The following DLGAP1 variants were observed in gnomAD, a reference collection of about 807,000 sequenced individuals.
DLGAP1 encodes DLG associated protein 1.
In DLGAP1, 11 loss-of-function variants were observed where a neutral mutation model predicts 90.8. The observed-to-expected ratio is 0.12, with a 90% confidence interval of 0.08 to 0.20. The LOEUF is 0.20. Ranked by LOEUF, DLGAP1 falls within the 10% of genes least tolerant of loss-of-function variation. DLGAP1 has a pLI of 1.00. For synonymous variants in DLGAP1, 558 were observed against 540.7 expected (o/e 1.03, Z -0.44); for missense variants, 1,050 against 1,333.8 (o/e 0.79, Z 3.31).
chr18:3,931,948 C>T (rs938139388), intron 3 of DLGAP1, among the ~76,000 whole-genome samples: 1 of 152,090 alleles, frequency 6.6e-6, no homozygotes, highest in Admixed American at 6.5e-5. Context: ...TACAGTGCTC[C>T]AGCTTTCACA....
intron 3 of DLGAP1, among the ~76,000 whole-genome samples, chr18:3,886,558 C>T (rs1309159490): frequency 6.6e-6 from 1 of 151,798 alleles, no homozygotes; most frequent in Admixed American, 6.6e-5. Flanking sequence ...ACCCATTAAT[C>T]ATCCTCACTC....
At chr18:4,299,338 A>C (rs568184435) in intron 1 of DLGAP1, among the ~76,000 whole-genome samples, 1 of 152,222 alleles carries the variant, frequency 6.6e-6, no homozygotes, top group Non-Finnish European at 1.5e-5. Flanking sequence ...ATCTATCTCT[A>C]AAAGAATTAA....
intron 1 of DLGAP1, among the ~76,000 whole-genome samples, chr18:4,309,796 T>G (rs1375499964): frequency 6.6e-6 from 1 of 152,192 alleles, no homozygotes; most frequent in Non-Finnish European, 1.5e-5. Flanking sequence ...AGTTTTCTTA[T>G]GTATCAAATG....
intron 5 of DLGAP1, among the ~76,000 whole-genome samples, chr18:3,776,869 C>T (rs936073549): frequency 1.3e-5 from 2 of 152,230 alleles, no homozygotes; most frequent in African/African-American, 4.8e-5. Context: ...TGGCTCACTG[C>T]AGCCTCAACC....
At chr18:4,248,750 G>C (rs951269303) in intron 1 of DLGAP1, 1 of 152,358 alleles carries the variant, frequency 6.6e-6, no homozygotes. Flanking sequence ...CTGTTAAAAA[G>C]TCAGTCGAAT....
chr18:4,065,800 T>C (rs550113528), intron 2 of DLGAP1, among the ~76,000 whole-genome samples: 13 of 152,108 alleles, frequency 8.5e-5, no homozygotes, highest in African/African-American at 3.1e-4. Flanking sequence ...CTGACATTCT[T>C]TGCAGAACTA....
intron 3 of DLGAP1, among the ~76,000 whole-genome samples, chr18:3,992,434 T>C (rs564299935): frequency 1.3e-5 from 2 of 152,232 alleles, no homozygotes; most frequent in East Asian, 3.9e-4. Flanking sequence ...TCCCAACACT[T>C]TGGGAGGCTG....
At chr18:3,875,390 A>G (rs1444688844) in intron 4 of DLGAP1, among the ~76,000 whole-genome samples, 2 of 152,230 alleles carry the variant, frequency 1.3e-5, no homozygotes, top group East Asian at 3.8e-4. Context: ...AACTAAAGTA[A>G]ATAATACTCT....
rs1555662578 is a variant in DLGAP1 at position 3,772,172 on chromosome 18, C to CCTTT, written c.1173-29664_1173-29661dup. 1.2e-3 allele frequency among the ~76,000 whole-genome samples: 180 copies of CCTTT among 145,314 alleles called. 1 individual carries two copies. The highest frequency in any genetic ancestry group is 4.3e-3 in the African/African-American group (164 of 38,390). ...CTTCCTTCCCTTTCTTTCTCTCCTT[C>CCTTT]CTTTCTCTCCTTCCTTCCTTTCTCT... On this transcript the variant is annotated intron_variant, in intron 5 of 12. Coordinates refer to ENST00000315677, the MANE Select transcript of DLGAP1 (RefSeq NM_004746.4).
intron 7 of DLGAP1, among the ~76,000 whole-genome samples, chr18:3,589,009 C>T (rs533889086): frequency 6.6e-6 from 1 of 151,852 alleles, no homozygotes; most frequent in South Asian, 2.1e-4. Flanking sequence ...TGGTGAAACC[C>T]CGTCTCTACT....
chr18:4,413,014 T>C (rs1052112079), intron 1 of DLGAP1, among the ~76,000 whole-genome samples: 111 of 152,196 alleles, frequency 7.3e-4, no homozygotes, highest in Non-Finnish European at 1.9e-4. Context: ...GGGAAGGACA[T>C]GTCTGGCATC....
intron 1 of DLGAP1, among the ~76,000 whole-genome samples, chr18:4,429,203 T>C (rs757875209): frequency 2.6e-5 from 4 of 152,228 alleles, no homozygotes; most frequent in Non-Finnish European, 5.9e-5. Context: ...CAGGATGAGT[T>C]AGAACAGCAG....
chr18:3,516,612 G>A (rs909559321), intron 10 of DLGAP1, among the ~76,000 whole-genome samples: 1 of 152,146 alleles, frequency 6.6e-6, no homozygotes, highest in African/African-American at 2.4e-5. Context: ...ATAAAACAGC[G>A]ATGCTTAATG....
chr18:4,403,673 C>G (rs766878632), intron 1 of DLGAP1, among the ~76,000 whole-genome samples: 1 of 151,976 alleles, frequency 6.6e-6, no homozygotes, highest in South Asian at 2.1e-4. Context: ...GAAATTTGTT[C>G]CTATGTGCAT....
At chr18:3,694,247 A>T (rs1359706230) in intron 7 of DLGAP1, among the ~76,000 whole-genome samples, 1 of 152,140 alleles carries the variant, frequency 6.6e-6, no homozygotes, top group African/African-American at 2.4e-5. Flanking sequence ...ATAGTATTCC[A>T]TGGTAAATAT....
intron 1 of DLGAP1, among the ~76,000 whole-genome samples, chr18:4,179,484 T>C (rs942241642): frequency 6.6e-6 from 1 of 152,168 alleles, no homozygotes; most frequent in African/African-American, 2.4e-5. Context: ...TTCTTATTGA[T>C]TCAGTGCCTA....
intron 1 of DLGAP1, among the ~76,000 whole-genome samples, chr18:4,199,133 A>G (rs988032190): frequency 1.3e-5 from 2 of 152,222 alleles, no homozygotes; most frequent in African/African-American, 4.8e-5. Context: ...AAAGAGCGGA[A>G]CATCAGCCTG....
chr18:3,868,096 C>A (rs2070516352), intron 4 of DLGAP1, among the ~76,000 whole-genome samples: 1 of 152,134 alleles, frequency 6.6e-6, no homozygotes, highest in East Asian at 1.9e-4. Flanking sequence ...CAGGGAAAAT[C>A]AGCTATTTAT....
intron 9 of DLGAP1, among the ~76,000 whole-genome samples, chr18:3,555,771 T>A (rs1385009219): frequency 6.6e-6 from 1 of 151,998 alleles, no homozygotes; most frequent in Non-Finnish European, 1.5e-5. Flanking sequence ...GATCACACCA[T>A]TGGACTCTAG....
Sources: allele counts gnomAD v4.1 joint callset (sites outside exome capture counted in the v4.1 genomes callset), GRCh38; gene constraint gnomAD v4.1.1; transcripts MANE v1.5; gene names NCBI Gene and HGNC (gene_info 2026-07-23, HGNC 2026-07-21).